Variants in ADAMTS6 observed in about 807,000 individuals in gnomAD.
The protein encoded by ADAMTS6 is ADAM metallopeptidase with thrombospondin type 1 motif 6, also known as A disintegrin and metalloproteinase with thrombospondin motifs 6.
A neutral mutation model predicts 144.3 loss-of-function variants in ADAMTS6; 23 were observed. The ratio of observed to expected loss-of-function variants is 0.16; its 90% CI spans 0.11 to 0.23. The LOEUF (loss-of-function observed/expected upper bound fraction) is 0.23, where lower values mean the gene tolerates loss of function less well. ADAMTS6 is among the 10% of genes least tolerant of loss of function. ADAMTS6 has a pLI of 1.00. For synonymous variants in ADAMTS6, 444 were observed against 457.5 expected (o/e 0.97, Z 0.38); for missense variants, 999 against 1,379.6 (o/e 0.72, Z 4.37).
chr5:65,421,700 C>T (rs1241979203), intron 7 of ADAMTS6, among the ~76,000 whole-genome samples: 2 of 152,154 alleles, frequency 1.3e-5, no homozygotes, highest in Admixed American at 6.5e-5. Flanking sequence ...TTAAAACCAA[C>T]TGCTCTTCAA....
chr5:65,446,879 GATA>G (rs1473012183), intron 7 of ADAMTS6, among the ~76,000 whole-genome samples: 1 of 152,076 alleles, frequency 6.6e-6, no homozygotes, highest in Non-Finnish European at 1.5e-5. Context: ...AAAAATTGAT[GATA>G]ATGATGATTG....
chr5:65,202,949 A>G (rs1755832215), intron 20 of ADAMTS6, among the ~76,000 whole-genome samples: 1 of 152,192 alleles, frequency 6.6e-6, no homozygotes. Context: ...CTTCTATAAA[A>G]GTTGCCTTCT....
chr5:65,179,603 T>G (rs996284522), intron 22 of ADAMTS6, among the ~76,000 whole-genome samples: 5 of 152,166 alleles, frequency 3.3e-5, no homozygotes, highest in African/African-American at 1.2e-4. Context: ...GAATTAGGAC[T>G]GTGTGGAAAT....
Position 65,481,795 on chromosome 5 carries a change from C to T in ADAMTS6, c.-732G>A, listed in dbSNP as rs1761223125. 6.6e-6 allele frequency: 1 copy of T among 152,322 alleles called. No homozygotes were observed. Among genetic ancestry groups the T allele is most frequent in the Non-Finnish European group, 1.5e-5 (1 of 68,166 alleles). 9.4% of individuals were successfully genotyped at this position (152,322 alleles called of 1,614,324 possible). Reference sequence around the variant, plus strand: ...CAAAAGGTATCAGGAGAAAAGAAGACAAGAGGAGCAGGAAGGGCAGCAAAG... The same window carrying T: ...CAAAAGGTATCAGGAGAAAAGAAGATAAGAGGAGCAGGAAGGGCAGCAAAG... On this transcript the variant is annotated 5_prime_UTR_variant, in exon 1 of 25. Coordinates refer to ENST00000381055, the MANE Select transcript of ADAMTS6 (RefSeq NM_197941.4).
At chr5:65,162,475 G>C (rs897867899) in intron 24 of ADAMTS6, among the ~76,000 whole-genome samples, 2 of 152,074 alleles carry the variant, frequency 1.3e-5, no homozygotes, top group African/African-American at 4.8e-5. Flanking sequence ...ACAGGTACTT[G>C]GACCCTACCA....
rs141448242 is a variant in ADAMTS6, at chr5:65,256,139, G to A, written c.1830+4461C>T. Among the ~76,000 whole-genome samples the A allele has an allele frequency of 9.8e-4, 149 of 152,262 alleles. No homozygotes were observed. The East Asian group carries it at 0.026, about 26-fold the overall frequency. Reference sequence around the variant, plus strand: ...GTCGAGCTCTGTACCGTCCTATATGGTTGCCACCAGCCACATGGGGCTGTT... The same window carrying A: ...GTCGAGCTCTGTACCGTCCTATATGATTGCCACCAGCCACATGGGGCTGTT... On this transcript the variant is annotated intron_variant, in intron 14 of 24. Transcript: ENST00000381055.
chr5:65,437,126 G>A (rs1183489576), intron 7 of ADAMTS6, among the ~76,000 whole-genome samples: 22 of 147,792 alleles, frequency 1.5e-4, no homozygotes, highest in African/African-American at 2.3e-4. Flanking sequence ...ACAGAGTCTC[G>A]CTCTGTTGTC....
At chr5:65,367,692 C>G (rs1379507451) in intron 7 of ADAMTS6, among the ~76,000 whole-genome samples, 1 of 152,070 alleles carries the variant, frequency 6.6e-6, no homozygotes, top group Non-Finnish European at 1.5e-5. Flanking sequence ...GACTGCGTCA[C>G]GATCCAACTT....
chr5:65,433,362 G>C (rs1382596742), intron 7 of ADAMTS6, among the ~76,000 whole-genome samples: 1 of 152,086 alleles, frequency 6.6e-6, no homozygotes, highest in African/African-American at 2.4e-5. Flanking sequence ...AACTCAAAGA[G>C]CTTTGGTGTT....
At chr5:65,402,345 GA>G (rs1753991404) in intron 7 of ADAMTS6, among the ~76,000 whole-genome samples, 1 of 152,044 alleles carries the variant, frequency 6.6e-6, no homozygotes, top group South Asian at 2.1e-4. Flanking sequence ...GAATGTGACT[GA>G]AGACAAAATA....
At chr5:65,368,992 T>A (rs546922654) in intron 7 of ADAMTS6, among the ~76,000 whole-genome samples, 38 of 152,100 alleles carry the variant, frequency 2.5e-4, no homozygotes, top group African/African-American at 8.4e-4. Context: ...GGAGGCAGAG[T>A]GGGCAGTGGG....
chr5:65,203,973 A>C (rs1163630895), intron 20 of ADAMTS6, among the ~76,000 whole-genome samples: 1 of 152,186 alleles, frequency 6.6e-6, no homozygotes, highest in African/African-American at 2.4e-5. Context: ...ATATGTATCC[A>C]AACCCTGCTC....
At chr5:65,286,610 C>T (rs1201976503) in intron 11 of ADAMTS6, among the ~76,000 whole-genome samples, 1 of 152,180 alleles carries the variant, frequency 6.6e-6, no homozygotes, top group East Asian at 1.9e-4. Context: ...TGTAGATGAA[C>T]AATCAGCTCT....
At chr5:65,344,827 C>T (rs1334846314) in intron 7 of ADAMTS6, among the ~76,000 whole-genome samples, 5 of 151,770 alleles carry the variant, frequency 3.3e-5, no homozygotes, top group African/African-American at 1.2e-4. Flanking sequence ...TGTCATCTGA[C>T]TATGCTATTC....
intron 24 of ADAMTS6, among the ~76,000 whole-genome samples, chr5:65,161,032 CTCTTTT>C (rs1752739645): frequency 6.6e-6 from 1 of 151,590 alleles, no homozygotes; most frequent in African/African-American, 2.4e-5. Flanking sequence ...TCTTCTCTCT[CTCTTTT>C]TATTTATTTA....
intron 22 of ADAMTS6, among the ~76,000 whole-genome samples, chr5:65,179,513 A>G (rs547025298): frequency 1.3e-5 from 2 of 152,356 alleles, no homozygotes; most frequent in East Asian, 3.9e-4. Flanking sequence ...GCTGTCATTA[A>G]TAGTAATAAC....
In ADAMTS6 at chr5:65,345,648, A is replaced by G. The variant is rs544693717; in HGVS notation, c.1074-11563T>C. 1.5e-4 allele frequency among the ~76,000 whole-genome samples: 23 copies of G among 151,934 alleles called. No homozygotes were observed. In the East Asian group the frequency reaches 3.7e-3, roughly 24 times the overall value. On this transcript the variant is annotated intron_variant, in intron 7 of 24. Transcript: ENST00000381055. ...AAAGGTTTGATTATACGTTACCAGA[A>G]TAAGAAAGTGTTTTCATTCTTTTAC...
chr5:65,268,656 G>A (rs7704681), intron 12 of ADAMTS6, among the ~76,000 whole-genome samples: 2,801 of 152,162 alleles, frequency 0.018, 72 homozygotes, highest in African/African-American at 0.064. Flanking sequence ...TTATTCAGGC[G>A]AACATCCAAT....
intron 10 of ADAMTS6, among the ~76,000 whole-genome samples, chr5:65,292,949 C>T (rs1742467110): frequency 6.6e-6 from 1 of 151,986 alleles, no homozygotes; most frequent in African/African-American, 2.4e-5. Context: ...TAGAAATTGA[C>T]ATGTACCTCA....
Sources: gnomAD v4.1 joint callset for allele counts (sites outside exome capture counted in the v4.1 genomes callset) on GRCh38, gnomAD v4.1.1 for gene constraint, MANE v1.5 for transcripts, NCBI Gene and HGNC (gene_info 2026-07-23, HGNC 2026-07-21) for gene names.